Variants in WHRN observed in about 807,000 individuals in gnomAD.
WHRN encodes the protein CASK-interacting protein CIP98.
WHRN carries 41 observed loss-of-function variants against 68.3 expected under a neutral mutation model. The ratio of observed to expected loss-of-function variants is 0.60; its 90% confidence interval spans 0.47 to 0.78. The LOEUF (loss-of-function observed/expected upper bound fraction) is 0.78, where lower values mean the gene tolerates loss of function less well. WHRN is among the 30% of genes least tolerant of loss of function. The probability of loss-of-function intolerance (pLI) is 0.00; values close to 1 mark genes in which losing one functional copy is unlikely to be tolerated. For missense variants in WHRN, 1,243 were observed against 1,244.7 expected (o/e 1.00, Z 0.02); for synonymous variants, 560 against 561.3 (o/e 1.00, Z 0.03).
chr9:114,408,558 T>C (rs1835202689), intron 7 of WHRN, among the ~76,000 whole-genome samples: 1 of 152,232 alleles, frequency 6.6e-6, no homozygotes. Flanking sequence ...ACCCAATGCC[T>C]CCTTAAGTGA....
chr9:114,478,191 G>A, intron 2 of WHRN: 1 of 616,572 alleles, frequency 1.6e-6, no homozygotes, highest in Non-Finnish European at 2.9e-6. Flanking sequence ...AGGAGGCTGA[G>A]GCACAAGAAT....
chr9:114,467,451 G>C (rs1840812934), intron 2 of WHRN, among the ~76,000 whole-genome samples: 1 of 152,030 alleles, frequency 6.6e-6, no homozygotes, highest in Admixed American at 6.5e-5. Flanking sequence ...ACTGGCGTGG[G>C]GGGGTGCTTC....
chr9:114,501,293 A>C (rs540361927), intron 1 of WHRN, among the ~76,000 whole-genome samples: 3 of 152,336 alleles, frequency 2.0e-5, no homozygotes, highest in African/African-American at 7.2e-5. Context: ...ACATAATTGC[A>C]AATAGTCCAT....
At chr9:114,434,523 C>CCTTCTCTGATT (rs55698796) in intron 3 of WHRN, among the ~76,000 whole-genome samples, 4 of 152,112 alleles carry the variant, frequency 2.6e-5, no homozygotes, top group Non-Finnish European at 4.4e-5. Context: ...AAACCCCTGA[C>CCTTCTCTGATT]CTTTCCTCCA....
chr9:114,493,373 TG>T (rs1445353883), intron 1 of WHRN, among the ~76,000 whole-genome samples: 1 of 13,058 alleles, frequency 7.7e-5, no homozygotes, highest in Non-Finnish European at 1.4e-4. Flanking sequence ...AAAAAAAAAG[TG>T]GGGGTGGGGG....
chr9:114,478,825 G>T, intron 1 of WHRN, 54 bp from the exon 2 acceptor site: 1 of 1,531,188 alleles, frequency 6.5e-7, no homozygotes, highest in Non-Finnish European at 8.9e-7. Flanking sequence ...GGGGTGTGGA[G>T]GAACACCCTC....
chr9:114,461,532 A>G (rs1840246105), intron 3 of WHRN, among the ~76,000 whole-genome samples: 1 of 152,222 alleles, frequency 6.6e-6, no homozygotes, highest in Admixed American at 6.5e-5. Flanking sequence ...CCGTGCAATC[A>G]GGCTGTTTCC....
At chr9:114,455,946 CA>C (rs1839753414) in intron 3 of WHRN, among the ~76,000 whole-genome samples, 1 of 152,042 alleles carries the variant, frequency 6.6e-6, no homozygotes, top group East Asian at 1.9e-4. Context: ...AATCATCTAA[CA>C]CAAAGCCTGT....
chr9:114,471,337 C>A (rs187196015), intron 2 of WHRN, among the ~76,000 whole-genome samples: 212 of 152,306 alleles, frequency 1.4e-3, no homozygotes, highest in African/African-American at 5.0e-3. Flanking sequence ...TTGTTGTTAT[C>A]CCCACTTTCC....
At chr9:114,471,589 G>A (rs369274925) in intron 2 of WHRN, among the ~76,000 whole-genome samples, 4 of 152,332 alleles carry the variant, frequency 2.6e-5, no homozygotes, top group East Asian at 3.9e-4. Flanking sequence ...GCAACCTGCC[G>A]GGGGCCAGCA....
At chr9:114,436,231 A>T (rs1027445765) in intron 3 of WHRN, among the ~76,000 whole-genome samples, 1 of 152,248 alleles carries the variant, frequency 6.6e-6, no homozygotes, top group African/African-American at 2.4e-5. Flanking sequence ...GGGAAGGATG[A>T]GAAGTAGAGC....
Position 114,404,088 on chromosome 9 carries a change from GA to G in WHRN, c.2237-12del. On this transcript the variant is annotated splice_polypyrimidine_tract_variant and intron_variant, in intron 9 of 11. Coordinates refer to ENST00000362057, the MANE Select transcript of WHRN (RefSeq NM_015404.4). ...AGAGCGTAGAGGCTGCTGGAGAGGG[GA>G]AAAGGAAGAGAGAAGCAGCTTATAT... 1 of 1,611,726 alleles carries G rather than the reference GA, an allele frequency of 6.2e-7. No homozygotes were observed.
chr9:114,472,989 T>C (rs534616706), intron 2 of WHRN, among the ~76,000 whole-genome samples: 63 of 152,318 alleles, frequency 4.1e-4, no homozygotes, highest in African/African-American at 1.5e-3. Flanking sequence ...AACCCAGTGC[T>C]GCTGAGCCCA....
chr9:114,501,093 G>A (rs1843882284), intron 1 of WHRN, among the ~76,000 whole-genome samples: 2 of 152,226 alleles, frequency 1.3e-5, no homozygotes, highest in Admixed American at 1.3e-4. Flanking sequence ...CTGGAACCCA[G>A]AGAGGGTCAG....
intron 3 of WHRN, among the ~76,000 whole-genome samples, chr9:114,447,172 C>A (rs530138390): frequency 1.3e-5 from 2 of 152,126 alleles, no homozygotes; most frequent in African/African-American, 2.4e-5. Flanking sequence ...AAGAGAAGTC[C>A]AGCTCAAGAT....
At chr9:114,479,230 G>C (rs1841909293) in intron 1 of WHRN, among the ~76,000 whole-genome samples, 1 of 152,130 alleles carries the variant, frequency 6.6e-6, no homozygotes, top group African/African-American at 2.4e-5. Flanking sequence ...AAGTAGACAG[G>C]GTCTATGTCT....
chr9:114,442,972 A>G (rs971695545), intron 3 of WHRN, among the ~76,000 whole-genome samples: 3 of 152,230 alleles, frequency 2.0e-5, no homozygotes, highest in African/African-American at 7.2e-5. Context: ...AAAAACTTCT[A>G]GGTCCAGTCC....
chr9:114,493,477 T>A (rs1254674821), intron 1 of WHRN, among the ~76,000 whole-genome samples: 1 of 152,074 alleles, frequency 6.6e-6, no homozygotes, highest in Admixed American at 6.5e-5. Flanking sequence ...CTTTAACTTG[T>A]CCAGTCTGTG....
At chr9:114,443,765 T>C (rs1258347296) in intron 3 of WHRN, among the ~76,000 whole-genome samples, 1 of 152,188 alleles carries the variant, frequency 6.6e-6, no homozygotes, top group Non-Finnish European at 1.5e-5. Flanking sequence ...CAGAACAGAA[T>C]ACCAGAAGGT....
Sources: allele counts gnomAD v4.1 joint callset (sites outside exome capture counted in the v4.1 genomes callset), GRCh38; gene constraint gnomAD v4.1.1; transcripts MANE v1.5; gene names NCBI Gene and HGNC (gene_info 2026-07-23, HGNC 2026-07-21).